CNNM4: variants seen among roughly 807,000 people sequenced by gnomAD.
The protein encoded by CNNM4 is metal transporter CNNM4.
In CNNM4, 32 loss-of-function variants were observed where a neutral mutation model predicts 53.7. The observed-to-expected ratio is 0.60, with a 90% confidence interval of 0.45 to 0.80. The LOEUF (loss-of-function observed/expected upper bound fraction) is 0.80, where lower values mean the gene tolerates loss of function less well. Among genes scored for constraint, CNNM4 ranks in the 30% least tolerant of loss-of-function variants. CNNM4 has a pLI of 0.00. For synonymous variants in CNNM4, 410 were observed against 440.0 expected (o/e 0.93, Z 0.85); for missense variants, 784 against 1,022.0 (o/e 0.77, Z 3.17).
Position 96,762,321 on chromosome 2 carries a change from T to C in CNNM4, c.1322T>C (p.Ile441Thr), listed in dbSNP as rs770879556. 1 of 1,614,130 alleles carries C rather than the reference T, an allele frequency of 6.2e-7. No individual in the cohort carries two copies. The highest frequency in any genetic ancestry group is 8.5e-7 in the Non-Finnish European group (1 of 1,180,018). ...GATGACTGCACCCCCCTCAAGACTA[T>C]CACTCGCTTCTATAACCACCCGGTG... ...DPDDCTPLKT[I>T]TRFYNHPVHF... The change falls in exon 1 of 7, where the codon ATC becomes ACC. Residue 441 changes from isoleucine to threonine, a missense_variant. Physicochemically the swap from Ile to Thr is moderately conservative, Grantham distance 89. Around this residue, in one of 3 missense-constraint regions of CNNM4, gnomAD observed 473 missense variants for 624.6 expected, o/e 0.76. Transcript: ENST00000377075.
At chr2:96,766,956 G>A (rs1327334201) in intron 1 of CNNM4, among the ~76,000 whole-genome samples, 2 of 152,154 alleles carry the variant, frequency 1.3e-5, no homozygotes. Flanking sequence ...ACATGTCAGG[G>A]ACTGAGAAGT....
In CNNM4 at chr2:96,801,089, G is replaced by A. The variant is rs1326684772; in HGVS notation, c.1948+1441G>A. 7.8e-5 allele frequency: 77 copies of A among 985,268 alleles called. No homozygotes were observed. The highest frequency in any genetic ancestry group is 9.0e-5 in the Non-Finnish European group (75 of 829,918). The allele number at this position is 985,268 out of a possible 1,614,324, so 61.0% of individuals were successfully genotyped here. On this transcript the variant is annotated intron_variant, in intron 5 of 6. Transcript: ENST00000377075. The surrounding 1 kb of genome is among the most constrained non-coding windows in gnomAD (Gnocchi z 5.6). ...TGCTCCAGTGCCTTCAGTCCAGGTC[G>A]GGTGTCCGCCTGGCAAGCGGAACTC...
chr2:96,789,596 C>T (rs2079042938), intron 1 of CNNM4, among the ~76,000 whole-genome samples: 2 of 152,224 alleles, frequency 1.3e-5, no homozygotes, highest in South Asian at 4.1e-4. Flanking sequence ...AACCTTCTTT[C>T]TGGACCCCCT....
rs952076962 is a variant in CNNM4 at position 96,801,325 on chromosome 2, A to G, written c.1948+1677A>G. Among the ~76,000 whole-genome samples, 1 of 152,158 alleles carries G rather than the reference A, an allele frequency of 6.6e-6. No homozygotes were observed. The highest frequency in any genetic ancestry group is 2.4e-5 in the African/African-American group (1 of 41,428). ...GCCTCAGCTCTAGAAGGGGCCCCCA[A>G]AGATCTCTTGGTGCTTGAGATCACA... is the stretch of plus-strand genomic sequence containing the variant. On this transcript the variant is annotated intron_variant, in intron 5 of 6. Transcript: ENST00000377075. This position sits in a 1 kb window ranked among gnomAD's most constrained non-coding sequence, Gnocchi z 5.6.
intron 5 of CNNM4, among the ~76,000 whole-genome samples, chr2:96,803,375 T>C (rs911465221): frequency 6.6e-6 from 1 of 152,218 alleles, no homozygotes; most frequent in Non-Finnish European, 1.5e-5. Context: ...AAACTTTCCC[T>C]GTGTTTAAGG....
At chr2:96,764,555 G>A (rs1019283071) in intron 1 of CNNM4, among the ~76,000 whole-genome samples, 2 of 152,132 alleles carry the variant, frequency 1.3e-5, no homozygotes, top group African/African-American at 4.8e-5. Context: ...ATTCTCAGAG[G>A]TCTTGGAAAA....
At chr2:96,802,090 T>C (rs2079164865) in intron 5 of CNNM4, among the ~76,000 whole-genome samples, 1 of 144,500 alleles carries the variant, frequency 6.9e-6, no homozygotes, top group East Asian at 2.1e-4. Flanking sequence ...CACACAGGTA[T>C]ATATACACAG....
At chr2:96,779,279 G>A (rs556402130) in intron 1 of CNNM4, among the ~76,000 whole-genome samples, 35 of 152,170 alleles carry the variant, frequency 2.3e-4, no homozygotes, top group South Asian at 6.2e-4. Flanking sequence ...TTTAAAAGCT[G>A]TATGGAATCA....
At position 96,761,375 on chromosome 2, in the gene CNNM4, G is replaced by A. The variant is rs17855817; in HGVS notation, c.376G>A (p.Gly126Arg). 1.2e-6 allele frequency: 2 copies of A among 1,614,070 alleles called. No individual in the cohort carries two copies. The highest frequency in any genetic ancestry group is 1.7e-6 in the Non-Finnish European group (2 of 1,180,020). The part of the protein sequence containing the change: ...VVQQLVNVSR[G>R]NTSGVLVVLT... ...CCAGCAGCTGGTCAACGTGAGCCGCGGGAACACGTCCGGCGTGCTGGTGGT... is the reference window on the plus strand; with the variant it reads ...CCAGCAGCTGGTCAACGTGAGCCGCAGGAACACGTCCGGCGTGCTGGTGGT... Residue 126 changes from glycine to arginine, a missense_variant, in exon 1 of 7, where the codon GGG (glycine) becomes AGG (arginine). Around this residue, in one of 3 missense-constraint regions of CNNM4, gnomAD observed 473 missense variants for 624.6 expected, o/e 0.76. Coordinates refer to ENST00000377075, the MANE Select transcript of CNNM4 (RefSeq NM_020184.4). This position sits in a 1 kb window ranked among gnomAD's most constrained non-coding sequence, Gnocchi z 6.0.
intron 5 of CNNM4, among the ~76,000 whole-genome samples, chr2:96,805,440 A>AAATTT (rs2079194974): frequency 1.1e-5 from 1 of 87,482 alleles, no homozygotes; most frequent in Non-Finnish European, 2.2e-5. Context: ...TTTTTTTTTT[A>AAATTT]TTATTTTTTT....
In CNNM4 at chr2:96,799,534, A is replaced by G; in HGVS notation, c.1852-18A>G. On this transcript the variant is annotated intron_variant, in intron 4 of 6. Coordinates refer to ENST00000377075, the MANE Select transcript of CNNM4 (RefSeq NM_020184.4). Reference sequence around the variant, plus strand: ...CCTCCCTCACTTGGTCTCTAACTCCAGCCCTGTGTTTTTTCAGGGGAAGGT... The same window carrying G: ...CCTCCCTCACTTGGTCTCTAACTCCGGCCCTGTGTTTTTTCAGGGGAAGGT... 6.5e-7 allele frequency: 1 copy of G among 1,549,450 alleles called. No individual in the cohort carries two copies. The highest frequency in any genetic ancestry group is 8.7e-7 in the Non-Finnish European group (1 of 1,144,398).
chr2:96,799,543 T>A lies in CNNM4; in HGVS notation c.1852-9T>A. 2 of 1,552,706 alleles carry A rather than the reference T, an allele frequency of 1.3e-6. No homozygotes were observed. The highest frequency in any genetic ancestry group is 1.7e-6 in the Non-Finnish European group (2 of 1,147,192). The stretch of plus-strand genomic sequence containing the variant: ...CTTGGTCTCTAACTCCAGCCCTGTG[T>A]TTTTTCAGGGGAAGGTGGAGGTGGA... On this transcript the variant is annotated splice_polypyrimidine_tract_variant and intron_variant, in intron 4 of 6. Coordinates refer to ENST00000377075, the MANE Select transcript of CNNM4 (RefSeq NM_020184.4).
At position 96,761,185 on chromosome 2, in the gene CNNM4, G is replaced by T; in HGVS notation, c.186G>T (p.Pro62=). ...ASCNKSCGTN[P]DGIIFVSEGS... The stretch of plus-strand genomic sequence containing the variant: ...GCAACAAGTCGTGTGGGACGAACCC[G>T]GATGGCATCATCTTCGTGTCCGAGG... The change falls in exon 1 of 7, where the codon CCG becomes CCT. Residue 62 remains proline, a synonymous_variant. Coordinates refer to ENST00000377075, the MANE Select transcript of CNNM4 (RefSeq NM_020184.4). The surrounding 1 kb of genome is among the most constrained non-coding windows in gnomAD (Gnocchi z 6.0). The T allele has an allele frequency of 6.2e-7, 1 of 1,613,682 alleles. No individual in the cohort carries two copies. Among genetic ancestry groups the T allele is most frequent in the South Asian group, 1.1e-5 (1 of 91,070 alleles).
In CNNM4 at chr2:96,810,976, T is replaced by G. The variant is rs2079251953; in HGVS notation, c.*1459T>G. On this transcript the variant is annotated 3_prime_UTR_variant, in exon 7 of 7. Transcript: ENST00000377075. This position sits in a 1 kb window ranked among gnomAD's most constrained non-coding sequence, Gnocchi z 4.1. ...CCAAGGTCCATGTTGGTCCTTCCAC[T>G]GGGTGCAGCAGGAGCTGGGTCCCGA... The G allele has an allele frequency of 6.6e-6, 1 of 152,248 alleles. No homozygotes were observed. Among genetic ancestry groups the G allele is most frequent in the African/African-American group, 2.4e-5 (1 of 41,454 alleles). 9.4% of individuals were successfully genotyped at this position (152,248 alleles called of 1,614,324 possible). A position where few individuals can be genotyped will look rare whatever the true frequency, so the allele number is the denominator to read the frequency against.
chr2:96,805,883 A>G (rs986544399), intron 5 of CNNM4, among the ~76,000 whole-genome samples: 1 of 151,428 alleles, frequency 6.6e-6, no homozygotes, highest in Admixed American at 6.6e-5. Context: ...CGATTTCTCA[A>G]TCTTTTCCCC....
intron 5 of CNNM4, among the ~76,000 whole-genome samples, chr2:96,803,062 C>T (rs1008521836): frequency 3.9e-5 from 6 of 152,136 alleles, no homozygotes; most frequent in Non-Finnish European, 7.4e-5. Context: ...CTGAACTGTT[C>T]CAAGGTATAC....
chr2:96,769,812 G>A lies in CNNM4; in HGVS notation c.1402+7411G>A, dbSNP rs540572245. 1.5e-3 allele frequency among the ~76,000 whole-genome samples: 227 copies of A among 152,278 alleles called. 3 individuals are homozygous for A. Among genetic ancestry groups the A allele is most frequent in the Admixed American group, 8.2e-3 (125 of 15,294 alleles). Reference sequence around the variant, plus strand: ...TGGTGCCCGAAGGCAGCTTTGCACCGGTTCTCCGTCAGCCCTGCCTGGTAA... The same window carrying A: ...TGGTGCCCGAAGGCAGCTTTGCACCAGTTCTCCGTCAGCCCTGCCTGGTAA... On this transcript the variant is annotated intron_variant, in intron 1 of 6. Transcript: ENST00000377075.
chr2:96,788,448 T>G (rs993154871), intron 1 of CNNM4: 1 of 152,118 alleles, frequency 6.6e-6, no homozygotes, highest in East Asian at 1.9e-4. Context: ...GGATTATGGA[T>G]GAACCCAGCT....
At chr2:96,778,305 C>T (rs2078943754) in intron 1 of CNNM4, among the ~76,000 whole-genome samples, 1 of 151,664 alleles carries the variant, frequency 6.6e-6, no homozygotes, top group African/African-American at 2.4e-5. Flanking sequence ...CGCCTGTAAT[C>T]CCAGCACTTT....
Sources: allele counts gnomAD v4.1 joint callset (sites outside exome capture counted in the v4.1 genomes callset), GRCh38; gene constraint gnomAD v4.1.1; regional missense constraint gnomAD v4.1.1; non-coding constraint Gnocchi (gnomAD v3.1); transcripts MANE v1.5; gene names NCBI Gene and HGNC (gene_info 2026-07-23, HGNC 2026-07-21).